Variants in MMP26 observed in about 807,000 individuals in gnomAD.
The protein encoded by MMP26 is matrix metalloproteinase-26.
Under a neutral mutation model 31.0 loss-of-function variants are expected in MMP26, and 33 were observed. The observed-to-expected ratio is 1.06, with a 90% CI of 0.81 to 1.42. The LOEUF is 1.42. MMP26 is among the 40% of genes most tolerant of loss of function. MMP26 has a pLI of 0.00. For missense variants in MMP26, 347 were observed against 316.1 expected, an observed-to-expected ratio of 1.10 and a Z score of -0.74; for synonymous variants, 122 against 114.9, an observed-to-expected ratio of 1.06 and a Z score of -0.40.
chr11:4,908,558 C>A, intron 2 of MMP26: 2 of 513,310 alleles, frequency 3.9e-6, no homozygotes, highest in East Asian at 7.0e-5. Flanking sequence ...TGTGATGGAG[C>A]AGCTGGATTT....
chr11:4,982,729 C>A (rs1846832054), intron 2 of MMP26, among the ~76,000 whole-genome samples: 1 of 152,112 alleles, frequency 6.6e-6, no homozygotes, highest in African/African-American at 2.4e-5. Flanking sequence ...ATTTACATGA[C>A]TTTTAAATCC....
chr11:4,818,553 C>T (rs1366321277), intron 2 of MMP26, among the ~76,000 whole-genome samples: 1 of 151,686 alleles, frequency 6.6e-6, no homozygotes, highest in African/African-American at 2.4e-5. Context: ...TTCATTTGTG[C>T]CTTTCATCTT....
intron 2 of MMP26, among the ~76,000 whole-genome samples, chr11:4,840,930 C>G (rs1849784860): frequency 2.0e-5 from 3 of 152,072 alleles, no homozygotes; most frequent in Admixed American, 2.0e-4. Context: ...AGAAGGAACT[C>G]AGAACTACAT....
intron 1 of MMP26, among the ~76,000 whole-genome samples, chr11:4,753,525 T>G (rs905932650): frequency 6.6e-6 from 1 of 152,136 alleles, no homozygotes; most frequent in African/African-American, 2.4e-5. Context: ...TTAGTGGAGT[T>G]GCTTGCTCAT....
chr11:4,893,445 G>A (rs1470147137), intron 2 of MMP26, among the ~76,000 whole-genome samples: 1 of 151,934 alleles, frequency 6.6e-6, no homozygotes, highest in Non-Finnish European at 1.5e-5. Flanking sequence ...TCCATCTCAG[G>A]ACCACTATAC....
intron 1 of MMP26, among the ~76,000 whole-genome samples, chr11:4,718,133 A>T (rs770241750): frequency 2.6e-5 from 4 of 152,212 alleles, no homozygotes; most frequent in Non-Finnish European, 5.9e-5. Context: ...TATTAGACAT[A>T]TTGGATCTGA....
chr11:4,855,809 G>T (rs1350353988), intron 2 of MMP26, among the ~76,000 whole-genome samples: 2 of 152,168 alleles, frequency 1.3e-5, no homozygotes, highest in Non-Finnish European at 2.9e-5. Flanking sequence ...AAAATGTTAA[G>T]GGCAGCCAGA....
intron 2 of MMP26, among the ~76,000 whole-genome samples, chr11:4,888,346 T>C (rs1267292146): frequency 6.6e-6 from 1 of 152,120 alleles, no homozygotes; most frequent in African/African-American, 2.4e-5. Context: ...AATATGAAAC[T>C]ATAACAATGC....
chr11:4,765,361 T>A (rs1848616021), intron 1 of MMP26, among the ~76,000 whole-genome samples: 1 of 152,182 alleles, frequency 6.6e-6, no homozygotes, highest in South Asian at 2.1e-4. Context: ...CTACCCAAAC[T>A]TCCTTCCTTC....
intron 2 of MMP26, among the ~76,000 whole-genome samples, chr11:4,833,741 T>A (rs1208467306): frequency 6.6e-6 from 1 of 152,156 alleles, no homozygotes; most frequent in African/African-American, 2.4e-5. Context: ...AGAGACTATG[T>A]CATTTGGTGA....
intron 2 of MMP26, among the ~76,000 whole-genome samples, chr11:4,893,816 C>G (rs912290307): frequency 6.6e-6 from 1 of 151,924 alleles, no homozygotes; most frequent in African/African-American, 2.4e-5. Flanking sequence ...CTTGTTGGCA[C>G]AATGGCTCAC....
At chr11:4,838,561 TACTC>T (rs1849752542) in intron 2 of MMP26, among the ~76,000 whole-genome samples, 1 of 152,008 alleles carries the variant, frequency 6.6e-6, no homozygotes, top group Admixed American at 6.6e-5. Flanking sequence ...ACAACTCTAA[TACTC>T]ACTCGTAGAA....
At chr11:4,730,510 C>T (rs970033076) in intron 1 of MMP26, among the ~76,000 whole-genome samples, 3 of 152,014 alleles carry the variant, frequency 2.0e-5, no homozygotes, top group African/African-American at 4.8e-5. Flanking sequence ...TTTGTTAGAT[C>T]AGATTAGCAC....
chr11:4,717,126 A>G (rs1847945161), intron 1 of MMP26, among the ~76,000 whole-genome samples: 2 of 152,204 alleles, frequency 1.3e-5, no homozygotes, highest in African/African-American at 2.4e-5. Flanking sequence ...TACTCAGAGA[A>G]GCCGTTTGAC....
At chr11:4,955,791 A>G (rs1846435033) in intron 2 of MMP26, 1 of 1,322,708 alleles carries the variant, frequency 7.6e-7, no homozygotes, top group Non-Finnish European at 1.0e-6. Flanking sequence ...TGTTGGTAAA[A>G]TAGGCATATC....
intron 2 of MMP26, among the ~76,000 whole-genome samples, chr11:4,959,466 T>C (rs1846491370): frequency 6.6e-6 from 1 of 152,056 alleles, no homozygotes; most frequent in Non-Finnish European, 1.5e-5. Context: ...ACTCTCTTGA[T>C]TGAAACACAA....
chr11:4,819,803 C>A (rs1849471049), intron 2 of MMP26, among the ~76,000 whole-genome samples: 1 of 151,938 alleles, frequency 6.6e-6, no homozygotes, highest in South Asian at 2.1e-4. Flanking sequence ...TGGTCTTGAA[C>A]TCCTGGGCTC....
At chr11:4,743,590 A>G (rs545129095) in intron 1 of MMP26, among the ~76,000 whole-genome samples, 2 of 152,296 alleles carry the variant, frequency 1.3e-5, no homozygotes, top group Admixed American at 6.5e-5. Context: ...ATGATACAAT[A>G]CCATTCCCAC....
intron 2 of MMP26, among the ~76,000 whole-genome samples, chr11:4,790,183 T>C (rs1849005784): frequency 6.6e-6 from 1 of 151,898 alleles, no homozygotes; most frequent in Non-Finnish European, 1.5e-5. Context: ...CTACTAAAAA[T>C]ACAAAAAATT....
Sources: allele counts gnomAD v4.1 joint callset (sites outside exome capture counted in the v4.1 genomes callset), GRCh38; gene constraint gnomAD v4.1.1; transcripts MANE v1.5; gene names NCBI Gene and HGNC (gene_info 2026-07-23, HGNC 2026-07-21).